MYO7B: variants seen among roughly 807,000 people sequenced by gnomAD.
MYO7B encodes the protein unconventional myosin-VIIb.
MYO7B carries 212 observed loss-of-function variants against 259.7 expected under a neutral mutation model. That is an observed-to-expected ratio of 0.82 (90% CI 0.73 to 0.91). MYO7B has a LOEUF of 0.91. MYO7B is among the 40% of genes least tolerant of loss of function. MYO7B has a pLI of 0.00. For missense variants in MYO7B, 2,732 were observed against 2,813.5 expected (o/e 0.97, Z 0.66); for synonymous variants, 1,197 against 1,166.4 (o/e 1.03, Z -0.54).
chr2:127,543,003 C>A (rs554926577), intron 1 of MYO7B, among the ~76,000 whole-genome samples: 8 of 152,224 alleles, frequency 5.3e-5, no homozygotes, highest in Non-Finnish European at 8.8e-5. Flanking sequence ...ATAGAACATA[C>A]AATCGTGTTT....
chr2:127,582,564 C>CA, intron 12 of MYO7B, 118 bp downstream of exon 12: 1 of 1,240,200 alleles, frequency 8.1e-7, no homozygotes, highest in South Asian at 1.5e-5. Context: ...TGGCGAGTCC[C>CA]ACCAGATCCG....
At position 127,593,530 on chromosome 2, in the gene MYO7B, C is replaced by T. The variant is rs777910692; in HGVS notation, c.2146-16C>T. 4.3e-6 allele frequency: 7 copies of T among 1,611,188 alleles called. No individual in the cohort carries two copies. In the South Asian group the frequency reaches 5.5e-5, roughly 13 times the overall value. On this transcript the variant is annotated splice_polypyrimidine_tract_variant and intron_variant, in intron 17 of 47. Coordinates refer to ENST00000409816, the MANE Select transcript of MYO7B (RefSeq NM_001393586.1). ...CTGCCCCACCTCCCACCGATACCCCCGTTTGGTCTTGGCAGCTGCAAGGCA... is the reference window on the plus strand; with the variant it reads ...CTGCCCCACCTCCCACCGATACCCCTGTTTGGTCTTGGCAGCTGCAAGGCA...
At position 127,611,257 on chromosome 2, in the gene MYO7B, A is replaced by G. The variant is rs907163514; in HGVS notation, c.3193-993A>G. Among the ~76,000 whole-genome samples, 2 of 152,240 alleles carry G rather than the reference A, an allele frequency of 1.3e-5. No homozygotes were observed. The highest frequency in any genetic ancestry group is 2.9e-5 in the Non-Finnish European group (2 of 68,034). On this transcript the variant is annotated intron_variant, in intron 24 of 47. Coordinates refer to ENST00000409816, the MANE Select transcript of MYO7B (RefSeq NM_001393586.1). The surrounding 1 kb of genome is among the most constrained non-coding windows in gnomAD (Gnocchi z 5.4). The stretch of plus-strand genomic sequence containing the variant: ...AGCAAGAAGGAAAGTGCAAATGTCC[A>G]GTCTTGGAAGTCACATACCTGTGGC...
At chr2:127,588,370 G>C in intron 14 of MYO7B, 22 bp from the exon 15 acceptor site, 1 of 1,610,690 alleles carries the variant, frequency 6.2e-7, no homozygotes, top group Non-Finnish European at 8.5e-7. Context: ...TGGGATGCTG[G>C]GTGGGCCCTG....
rs200884924 is a variant in MYO7B, at chr2:127,565,525, C to G, written c.285+140C>G. The G allele has an allele frequency of 6.5e-5, 76 of 1,167,590 alleles. No homozygotes were observed. The East Asian group carries it at 1.9e-3, about 29-fold the overall frequency. 72.3% of individuals were successfully genotyped at this position (1,167,590 alleles called of 1,614,324 possible). On this transcript the variant is annotated intron_variant, in intron 4 of 47. Coordinates refer to ENST00000409816, the MANE Select transcript of MYO7B (RefSeq NM_001393586.1). ...AGGTGGGCGAGGTGCCTAACTTTTCCCAATCTCTGCTGCCCAGTCCCAAAC... is the reference window on the plus strand; with the variant it reads ...AGGTGGGCGAGGTGCCTAACTTTTCGCAATCTCTGCTGCCCAGTCCCAAAC...
chr2:127,567,540 C>A lies in MYO7B; in HGVS notation c.470+713C>A, dbSNP rs563545855. On this transcript the variant is annotated intron_variant, in intron 5 of 47. Transcript: ENST00000409816. The stretch of plus-strand genomic sequence containing the variant: ...AGGCTGGCCACGGGGATGGAAGCCA[C>A]CCCTCAGGGGAGTCTGCACCCGTTG... Among the ~76,000 whole-genome samples the A allele has an allele frequency of 2.6e-5, 4 of 152,326 alleles. No homozygotes were observed. In the South Asian group the frequency reaches 8.3e-4, roughly 32 times the overall value.
chr2:127,578,191 C>A lies in MYO7B; in HGVS notation c.908C>A (p.Ser303Ter), dbSNP rs528867052. 1 of 1,613,820 alleles carries A rather than the reference C, an allele frequency of 6.2e-7. No individual in the cohort carries two copies. The highest frequency in any genetic ancestry group is 1.1e-5 in the South Asian group (1 of 91,062). ...NDAKDYAHIRSAMKILQFSDS... is the reference protein window; with the variant it reads ...NDAKDYAHIR ...GCCAAGGACTACGCCCACATCCGCTCGGCCATGAAGATCCTCCAGTTCTCC... is the reference window on the plus strand; with the variant it reads ...GCCAAGGACTACGCCCACATCCGCTAGGCCATGAAGATCCTCCAGTTCTCC... The change falls in exon 9 of 48, where the codon TCG (serine) becomes TAG (stop). Residue 303 changes from serine to a stop codon, truncating the protein, a stop_gained. Coordinates refer to ENST00000409816, the MANE Select transcript of MYO7B (RefSeq NM_001393586.1). LOFTEE classifies it high-confidence loss of function.
chr2:127,553,175 T>C (rs1693515967), intron 1 of MYO7B, among the ~76,000 whole-genome samples: 1 of 152,212 alleles, frequency 6.6e-6, no homozygotes, highest in Non-Finnish European at 1.5e-5. Context: ...TATAAGATAG[T>C]TTGAATTCAG....
rs187963247 is a variant in MYO7B, at chr2:127,576,991, G to A, written c.849+283G>A. Among the ~76,000 whole-genome samples the A allele has an allele frequency of 3.9e-5, 6 of 152,014 alleles. No homozygotes were observed. Among genetic ancestry groups the A allele is most frequent in the South Asian group, 2.1e-4 (1 of 4,818 alleles). ...GGTCCCCACTGGATGACAGGCTCCC[G>A]GTGCCCAGTGGGCCACAGGGAGTTG... On this transcript the variant is annotated intron_variant, in intron 8 of 47. Transcript: ENST00000409816. The surrounding 1 kb of genome is among the most constrained non-coding windows in gnomAD (Gnocchi z 4.9).
At position 127,628,218 on chromosome 2, in the gene MYO7B, C is replaced by T. The variant is rs760445618; in HGVS notation, c.4461-154C>T. On this transcript the variant is annotated intron_variant, in intron 33 of 47. Transcript: ENST00000409816. This position sits in a 1 kb window ranked among gnomAD's most constrained non-coding sequence, Gnocchi z 4.8. ...CCGCCGTCCTTCATTTGTCCAGACCCACAGTGGTGTCTGGCCTAGTCCTGG... is the reference window on the plus strand; with the variant it reads ...CCGCCGTCCTTCATTTGTCCAGACCTACAGTGGTGTCTGGCCTAGTCCTGG... The T allele has an allele frequency of 6.6e-5, 60 of 902,476 alleles. 1 individual carries two copies. The African/African-American group carries it at 9.5e-4, about 14-fold the overall frequency. The allele number at this position is 902,476 out of a possible 1,614,324, so 55.9% of individuals were successfully genotyped here. A position where few individuals can be genotyped will look rare whatever the true frequency, so the allele number is the denominator to read the frequency against.
At chr2:127,618,929 G>A (rs1680697802) in intron 26 of MYO7B, among the ~76,000 whole-genome samples, 1 of 152,216 alleles carries the variant, frequency 6.6e-6, no homozygotes. Context: ...GCCAAGAGGA[G>A]GGGACAGAGG....
At position 127,637,392 on chromosome 2, in the gene MYO7B, A is replaced by C; in HGVS notation, c.6404A>C (p.Lys2135Thr). The change falls in exon 48 of 48, where the codon AAG becomes ACG. Residue 2135 changes from lysine to threonine, a missense_variant. By Grantham distance (78) the Lys-to-Thr change is moderately conservative (BLOSUM62 -1). Coordinates refer to ENST00000409816, the MANE Select transcript of MYO7B (RefSeq NM_001393586.1). The part of the protein sequence containing the change: ...LSAMNKQRGS[K>T]APALAST ...GCCATGAACAAGCAGCGGGGCTCCA[A>C]GGCCCCAGCCCTGGCCAGCACCTAG... 6.4e-7 allele frequency: 1 copy of C among 1,567,456 alleles called. No individual in the cohort carries two copies. Among genetic ancestry groups the C allele is most frequent in the Non-Finnish European group, 8.7e-7 (1 of 1,155,678 alleles).
intron 26 of MYO7B, among the ~76,000 whole-genome samples, chr2:127,617,792 G>A (rs1459406443): frequency 4.0e-5 from 6 of 151,642 alleles, no homozygotes; most frequent in African/African-American, 1.2e-4. Context: ...GTGAGCCACC[G>A]CGCCCGGCCT....
At chr2:127,571,796 A>T (rs992816727) in intron 6 of MYO7B, among the ~76,000 whole-genome samples, 15 of 151,996 alleles carry the variant, frequency 9.9e-5, no homozygotes, top group Non-Finnish European at 1.3e-4. Context: ...GAGTTTTAAG[A>T]GTTCGTTCTG....
chr2:127,606,062 A>G (rs1008441737), intron 20 of MYO7B, 134 bp downstream of exon 20: 2 of 698,010 alleles, frequency 2.9e-6, no homozygotes, highest in Non-Finnish European at 4.8e-6. Flanking sequence ...CAGACGTGGC[A>G]TGCAAATTTA....
At chr2:127,622,136 G>A in intron 28 of MYO7B, 35 bp downstream of exon 28, 1 of 1,535,680 alleles carries the variant, frequency 6.5e-7, no homozygotes, top group Non-Finnish European at 8.8e-7. Flanking sequence ...GGGCAGGGTG[G>A]GGTGGTGCAG....
chr2:127,577,456 T>G lies in MYO7B; in HGVS notation c.850-677T>G, dbSNP rs1041692171. The stretch of plus-strand genomic sequence containing the variant: ...CTGCTGCAGTGACCCCTGCGGCTTG[T>G]AGGGTAGAAGTCCAAACTCCTCCAT... On this transcript the variant is annotated intron_variant, in intron 8 of 47. Transcript: ENST00000409816. This position sits in a 1 kb window ranked among gnomAD's most constrained non-coding sequence, Gnocchi z 5.2. Among the ~76,000 whole-genome samples, 1 of 152,138 alleles carries G rather than the reference T, an allele frequency of 6.6e-6. No homozygotes were observed. The highest frequency in any genetic ancestry group is 2.4e-5 in the African/African-American group (1 of 41,426).
chr2:127,637,002 C>T (rs372672945), intron 47 of MYO7B, 89 bp downstream of exon 47: 1 of 1,562,444 alleles, frequency 6.4e-7, no homozygotes, highest in South Asian at 1.1e-5. Context: ...TCAAGTGGCT[C>T]ACTAAGAGGG....
At chr2:127,549,948 C>T (rs774400653) in intron 1 of MYO7B, among the ~76,000 whole-genome samples, 7 of 152,192 alleles carry the variant, frequency 4.6e-5, no homozygotes, top group Non-Finnish European at 1.0e-4. Context: ...TTGTCTCCTT[C>T]CCTCCACATC....
Sources: gnomAD v4.1 joint callset for allele counts (sites outside exome capture counted in the v4.1 genomes callset) on GRCh38, gnomAD v4.1.1 for gene constraint, Gnocchi (gnomAD v3.1) non-coding constraint, MANE v1.5 for transcripts, NCBI Gene and HGNC (gene_info 2026-07-23, HGNC 2026-07-21) for gene names.